LRRK2: variants seen among roughly 807,000 people sequenced by gnomAD.
The protein encoded by LRRK2 is leucine rich repeat kinase 2.
In LRRK2, 203 loss-of-function variants were observed where a neutral mutation model predicts 302.6. The ratio of observed to expected loss-of-function variants is 0.67; its 90% CI spans 0.60 to 0.75. The LOEUF is 0.75. Among genes scored for constraint, LRRK2 ranks in the 30% least tolerant of loss-of-function variants. LRRK2 has a pLI of 0.00. For synonymous variants in LRRK2, 1,066 were observed against 1,031.9 expected (o/e 1.03, Z -0.63); for missense variants, 2,830 against 2,951.0 (o/e 0.96, Z 0.95).
chr12:40,274,190 T>TA (rs1943352457), intron 14 of LRRK2, among the ~76,000 whole-genome samples: 1 of 152,216 alleles, frequency 6.6e-6, no homozygotes, highest in African/African-American at 2.4e-5. Context: ...GTCAAGTATG[T>TA]AGACTCTGGG....
intron 49 of LRRK2, chr12:40,366,787 A>G (rs1946892312): frequency 4.2e-6 from 2 of 471,792 alleles, no homozygotes; most frequent in South Asian, 4.3e-5. Flanking sequence ...TCAGACTCAC[A>G]TAATTAAGAA....
chr12:40,322,925 G>A (rs2136893983), intron 37 of LRRK2, among the ~76,000 whole-genome samples: 1 of 152,210 alleles, frequency 6.6e-6, no homozygotes, highest in South Asian at 2.1e-4. Context: ...GTAGTCTGCA[G>A]CAGTTCAGAA....
chr12:40,367,051 A>T lies in LRRK2; in HGVS notation c.7436A>T (p.Asn2479Ile). ...VMLVLGYNRKNTEGTQKQKEI... is the reference protein window; with the variant it reads ...VMLVLGYNRKITEGTQKQKEI... ...CTGGTATTGGGCTACAACCGGAAAAATACTGAAGGTACACAAAAGCAGAAA... is the reference window on the plus strand; with the variant it reads ...CTGGTATTGGGCTACAACCGGAAAATTACTGAAGGTACACAAAAGCAGAAA... Residue 2479 changes from asparagine (N) to isoleucine (I), a missense_variant, in exon 50 of 51, where the codon AAT becomes ATT. By Grantham distance (149) the Asn-to-Ile change is moderately radical. This residue lies in a region of LRRK2 where 456 missense variants were observed against 456.3 expected (regional missense o/e 1.00). Coordinates refer to ENST00000298910, the MANE Select transcript of LRRK2 (RefSeq NM_198578.4). 2.5e-6 allele frequency: 4 copies of T among 1,609,754 alleles called. No individual in the cohort carries two copies. Among genetic ancestry groups the T allele is most frequent in the Non-Finnish European group, 3.4e-6 (4 of 1,177,004 alleles).
chr12:40,244,853 T>A (rs926674243), intron 7 of LRRK2, among the ~76,000 whole-genome samples: 1 of 151,888 alleles, frequency 6.6e-6, no homozygotes, highest in Non-Finnish European at 1.5e-5. Context: ...CTGAACATTG[T>A]ACACATGTAC....
chr12:40,362,032 GTTTC>G (rs1191549968), intron 47 of LRRK2, among the ~76,000 whole-genome samples: 1 of 151,976 alleles, frequency 6.6e-6, no homozygotes, highest in Non-Finnish European at 1.5e-5. Context: ...ATTTGTACAT[GTTTC>G]TTTCTACTAT....
At chr12:40,300,610 C>T (rs1944587572) in intron 25 of LRRK2, among the ~76,000 whole-genome samples, 1 of 152,126 alleles carries the variant, frequency 6.6e-6, no homozygotes, top group Non-Finnish European at 1.5e-5. Flanking sequence ...CCCTCCCTTC[C>T]TCCTACCCTC....
rs773777920 is a variant in LRRK2, at chr12:40,359,294, T to C, written c.6878T>C (p.Ile2293Thr). ...GCTGCTCCTTTGAAGATACTAAATA[T>C]AGGAAATGTCAGTACTCCATTGATG... Reference protein sequence around the residue: ...KGAAPLKILNIGNVSTPLMCL... With the variant: ...KGAAPLKILNTGNVSTPLMCL... The change falls in exon 47 of 51, where the codon ATA becomes ACA. Residue 2293 changes from isoleucine to threonine, a missense_variant. Ile to Thr is a moderately conservative substitution (Grantham distance 89). Coordinates refer to ENST00000298910, the MANE Select transcript of LRRK2 (RefSeq NM_198578.4). The C allele has an allele frequency of 2.5e-6, 4 of 1,612,822 alleles. No homozygotes were observed. Among genetic ancestry groups the C allele is most frequent in the Non-Finnish European group, 3.4e-6 (4 of 1,179,406 alleles).
Position 40,257,447 on chromosome 12 carries a change from A to G in LRRK2, c.1418+70A>G, listed in dbSNP as rs987607452. On this transcript the variant is annotated intron_variant, in intron 12 of 50. Coordinates refer to ENST00000298910, the MANE Select transcript of LRRK2 (RefSeq NM_198578.4). The stretch of plus-strand genomic sequence containing the variant: ...CAGGTAGAATATCAATATTTCAAGC[A>G]TATTTCTAACAATGAAAAGAAAAAG... 4.5e-6 allele frequency: 7 copies of G among 1,540,518 alleles called. No individual in the cohort carries two copies. In the East Asian group the frequency reaches 1.1e-4, roughly 25 times the overall value.
chr12:40,338,592 T>C (rs1427271), intron 40 of LRRK2, among the ~76,000 whole-genome samples: 116,842 of 152,144 alleles, frequency 0.77, 45,723 homozygotes, highest in Non-Finnish European at 0.86. Context: ...GCTATTTTGC[T>C]AGTCTATTAA....
At chr12:40,269,529 A>G (rs886339211) in intron 14 of LRRK2, among the ~76,000 whole-genome samples, 1 of 152,150 alleles carries the variant, frequency 6.6e-6, no homozygotes, top group East Asian at 1.9e-4. Context: ...TGCAACACAT[A>G]TGTAGCATGA....
intron 6 of LRRK2, among the ~76,000 whole-genome samples, chr12:40,243,219 C>T (rs998192826): frequency 4.6e-5 from 7 of 151,176 alleles, no homozygotes; most frequent in Non-Finnish European, 8.9e-5. Flanking sequence ...CAATACATTA[C>T]ATTTCCAGAC....
At chr12:40,364,519 T>TC (rs1946817379) in intron 48 of LRRK2, among the ~76,000 whole-genome samples, 1 of 151,842 alleles carries the variant, frequency 6.6e-6, no homozygotes, top group Non-Finnish European at 1.5e-5. Context: ...ACTCTAACTT[T>TC]TTTTTTTCTT....
In LRRK2 at chr12:40,258,771, T is replaced by G. The variant is rs143268037; in HGVS notation, c.1419-709T>G. On this transcript the variant is annotated intron_variant, in intron 12 of 50. Transcript: ENST00000298910. ...CTCCAATGGAGGGATGTGTTTAAAC[T>G]GGGACTTTAAGTTGGAAAAGAAGGA... 3.9e-3 allele frequency among the ~76,000 whole-genome samples: 595 copies of G among 152,254 alleles called. 6 individuals are homozygous for G. Among genetic ancestry groups the G allele is most frequent in the African/African-American group, 0.014 (578 of 41,546 alleles).
At chr12:40,351,814 G>T in intron 44 of LRRK2, 81 bp downstream of exon 44, 1 of 1,325,346 alleles carries the variant, frequency 7.5e-7, no homozygotes, top group Non-Finnish European at 1.1e-6. Flanking sequence ...AATTAAATAA[G>T]AGCCAATGTA....
intron 19 of LRRK2, among the ~76,000 whole-genome samples, chr12:40,285,096 C>T (rs1269102407): frequency 6.6e-6 from 1 of 152,080 alleles, no homozygotes; most frequent in Non-Finnish European, 1.5e-5. Context: ...ACCCTTACTT[C>T]CAGTCTTTTT....
chr12:40,248,517 T>G (rs919074759), intron 7 of LRRK2, among the ~76,000 whole-genome samples: 1 of 152,178 alleles, frequency 6.6e-6, no homozygotes, highest in African/African-American at 2.4e-5. Context: ...TTTGTTCCAT[T>G]TAATGGGTAG....
chr12:40,342,105 A>C (rs1946062436), intron 41 of LRRK2, among the ~76,000 whole-genome samples: 1 of 152,024 alleles, frequency 6.6e-6, no homozygotes, highest in African/African-American at 2.4e-5. Context: ...ATGGGGTGAA[A>C]ATCTGTTGTT....
rs968750174 is a variant in LRRK2, at chr12:40,322,455, T to A, written c.5454T>A (p.Asp1818Glu). Residue 1818 changes from aspartate (D) to glutamate (E), a missense_variant, in exon 37 of 51, where the codon GAT becomes GAA. By Grantham distance (45) the Asp-to-Glu change is conservative. This residue lies in a region of LRRK2 where 2,121 missense variants were observed against 2,148.0 expected (regional missense o/e 0.99). Transcript: ENST00000298910. ...LKKWALYSFN[D>E]GEEHQKILLD... is the part of the protein sequence containing the mutation. ...AATGGGCATTATATAGTTTTAATGA[T>A]GGTGAAGAACATCAAAAAATCTTAC... 1.9e-6 allele frequency: 3 copies of A among 1,613,326 alleles called. No homozygotes were observed. The Admixed American group carries it at 5.0e-5, about 27-fold the overall frequency.
At chr12:40,330,997 A>G (rs566021529) in intron 39 of LRRK2, among the ~76,000 whole-genome samples, 3 of 152,174 alleles carry the variant, frequency 2.0e-5, no homozygotes, top group African/African-American at 7.2e-5. Context: ...ATGTTTTTGG[A>G]TAAAATGTCC....
Sources: gnomAD v4.1 joint callset for allele counts (sites outside exome capture counted in the v4.1 genomes callset) on GRCh38, gnomAD v4.1.1 for gene constraint, gnomAD v4.1.1 regional missense constraint, MANE v1.5 for transcripts, NCBI Gene and HGNC (gene_info 2026-07-23, HGNC 2026-07-21) for gene names.